PA2G4: variants seen among roughly 807,000 people sequenced by gnomAD.
PA2G4 encodes proliferation-associated 2G4, also known as proliferation-associated protein 2G4.
PA2G4 carries 8 observed loss-of-function variants against 53.3 expected under a neutral mutation model. The observed-to-expected ratio is 0.15, with a 90% CI of 0.09 to 0.27. The LOEUF (loss-of-function observed/expected upper bound fraction) is 0.27, where lower values mean the gene tolerates loss of function less well. PA2G4 is among the 10% of genes least tolerant of loss of function. The pLI, the probability that PA2G4 is intolerant of heterozygous loss-of-function variation, is 1.00. For synonymous variants in PA2G4, 143 were observed against 169.8 expected, an observed-to-expected ratio of 0.84 and a Z score of 1.23; for missense variants, 208 against 486.8, an observed-to-expected ratio of 0.43 and a Z score of 5.39.
At chr12:56,106,953 A>T in intron 2 of PA2G4, 37 bp from the exon 3 acceptor site, 1 of 1,528,654 alleles carries the variant, frequency 6.5e-7, no homozygotes, top group East Asian at 2.3e-5. Flanking sequence ...CTCCCGGGAG[A>T]CAGCAAGGCA....
chr12:56,106,822 T>C (rs1484220393), intron 2 of PA2G4, 106 bp downstream of exon 2: 1 of 1,440,882 alleles, frequency 6.9e-7, no homozygotes, highest in African/African-American at 1.4e-5. Flanking sequence ...CAGCTCTGGC[T>C]GAGGTATTTG....
intron 10 of PA2G4, 47 bp from the exon 11 acceptor site, chr12:56,111,135 A>G: frequency 6.2e-7 from 1 of 1,614,012 alleles, no homozygotes; most frequent in Non-Finnish European, 8.5e-7. Flanking sequence ...AGAGCTAAGT[A>G]TGACAAAGGA....
At chr12:56,105,115 C>A in intron 1 of PA2G4, 1 of 661,370 alleles carries the variant, frequency 1.5e-6, no homozygotes, top group Non-Finnish European at 2.8e-6. Flanking sequence ...CGTGTTTTCT[C>A]TTGTTCCTAT....
Position 56,112,994 on chromosome 12 carries a change from C to G in PA2G4, c.*106C>G. The G allele has an allele frequency of 1.4e-6, 1 of 696,718 alleles. No individual in the cohort carries two copies. Among genetic ancestry groups the G allele is most frequent in the Non-Finnish European group, 2.3e-6 (1 of 435,464 alleles). 43.2% of individuals were successfully genotyped at this position (696,718 alleles called of 1,614,324 possible). The stretch of plus-strand genomic sequence containing the variant: ...TCTCCACCTAGGACCGCCAGCAGAG[C>G]GGGGGGATCTCCCTGCCCCCACCCC... On this transcript the variant is annotated 3_prime_UTR_variant, in exon 13 of 13. Transcript: ENST00000303305.
Position 56,110,180 on chromosome 12 carries a change from G to A in PA2G4, c.630-219G>A, listed in dbSNP as rs1032836806. 4.6e-5 allele frequency among the ~76,000 whole-genome samples: 7 copies of A among 152,046 alleles called. No individual in the cohort carries two copies. In the South Asian group the frequency reaches 8.3e-4, roughly 18 times the overall value. On this transcript the variant is annotated intron_variant, in intron 7 of 12. Coordinates refer to ENST00000303305, the MANE Select transcript of PA2G4 (RefSeq NM_006191.3). Reference sequence around the variant, plus strand: ...TCAGAACCAGCCTAACCAACATGGCGAAACCCTGTCTCTACTAAAAACTAC... The same window carrying A: ...TCAGAACCAGCCTAACCAACATGGCAAAACCCTGTCTCTACTAAAAACTAC...
intron 5 of PA2G4, among the ~76,000 whole-genome samples, chr12:56,108,262 A>T (rs1425570096): frequency 6.6e-6 from 1 of 152,188 alleles, no homozygotes; most frequent in Non-Finnish European, 1.5e-5. Context: ...CAGGTTTATG[A>T]CCAAGTTCTT....
intron 5 of PA2G4, among the ~76,000 whole-genome samples, chr12:56,108,415 T>C (rs1869344706): frequency 6.6e-6 from 1 of 152,216 alleles, no homozygotes; most frequent in African/African-American, 2.4e-5. Context: ...CTGGGTAAAA[T>C]GATATGCAGT....
chr12:56,110,720 C>T, intron 9 of PA2G4, 28 bp downstream of exon 9: 7 of 1,613,232 alleles, frequency 4.3e-6, no homozygotes, highest in Non-Finnish European at 5.9e-6. Context: ...TACTTGGAAC[C>T]AGTCTGACTC....
chr12:56,106,965 T>C (rs764650191), intron 2 of PA2G4, 25 bp from the exon 3 acceptor site: 2 of 1,565,676 alleles, frequency 1.3e-6, no homozygotes, highest in South Asian at 1.1e-5. Context: ...AGCAAGGCAG[T>C]AGGCTGATGA....
chr12:56,111,835 G>A (rs903918656), intron 12 of PA2G4, among the ~76,000 whole-genome samples: 4 of 150,874 alleles, frequency 2.7e-5, no homozygotes, highest in Non-Finnish European at 4.4e-5. Flanking sequence ...TGCTTTGGCC[G>A]GGCACAGTGG....
intron 5 of PA2G4, among the ~76,000 whole-genome samples, 184 bp downstream of exon 5, chr12:56,107,797 G>A (rs1869332412): frequency 6.6e-6 from 1 of 152,244 alleles, no homozygotes. Flanking sequence ...GGGGGGCCAA[G>A]GTAGGAGGAT....
At chr12:56,108,907 C>G (rs1406313644) in intron 5 of PA2G4, among the ~76,000 whole-genome samples, 1 of 151,908 alleles carries the variant, frequency 6.6e-6, no homozygotes, top group Non-Finnish European at 1.5e-5. Context: ...GTGGGCAGAT[C>G]ACGAGGTCAG....
chr12:56,107,354 G>C (rs557050944), intron 4 of PA2G4, 98 bp downstream of exon 4: 1 of 1,114,378 alleles, frequency 9.0e-7, no homozygotes, highest in East Asian at 2.3e-5. Context: ...CGTAAGTTGA[G>C]AGAGTCTCTA....
intron 5 of PA2G4, among the ~76,000 whole-genome samples, chr12:56,108,424 G>A (rs1312542612): frequency 1.3e-5 from 2 of 152,230 alleles, no homozygotes; most frequent in Non-Finnish European, 2.9e-5. Flanking sequence ...ATGATATGCA[G>A]TTACAGCTGG....
At chr12:56,109,535 G>A (rs1869373837) in intron 6 of PA2G4, among the ~76,000 whole-genome samples, 1 of 150,590 alleles carries the variant, frequency 6.6e-6, no homozygotes, top group African/African-American at 2.5e-5. Context: ...CGAGATAATC[G>A]CTTGAACCCG....
intron 12 of PA2G4, 48 bp from the exon 13 acceptor site, chr12:56,112,775 G>A (rs747227137): frequency 1.6e-6 from 2 of 1,250,236 alleles, no homozygotes; most frequent in Non-Finnish European, 2.3e-6. Context: ...ACATCCCCAA[G>A]TAGTTAGAAA....
intron 6 of PA2G4, 105 bp downstream of exon 6, chr12:56,109,398 T>G: frequency 1.4e-6 from 1 of 733,506 alleles, no homozygotes; most frequent in Non-Finnish European, 2.4e-6. Flanking sequence ...GGTGGGCGGA[T>G]CACCTGAGGT....
rs901753466 is a variant in PA2G4, at chr12:56,107,372, A to G, written c.393+116A>G. ...AAGTTGAGAGAGTCTCTAGAGAAGC[A>G]AAAGGAGAAAGGTTTTTGTTGTTGT... On this transcript the variant is annotated intron_variant, in intron 4 of 12. Transcript: ENST00000303305. 4.7e-6 allele frequency: 5 copies of G among 1,069,894 alleles called. No homozygotes were observed. In the Admixed American group the frequency reaches 8.8e-5, roughly 19 times the overall value. 66.3% of individuals were successfully genotyped at this position (1,069,894 alleles called of 1,614,324 possible). A position where few individuals can be genotyped will look rare whatever the true frequency, so the allele number is the denominator to read the frequency against.
chr12:56,110,130 G>C (rs548358779), intron 7 of PA2G4, among the ~76,000 whole-genome samples, 195 bp downstream of exon 7: 1 of 152,080 alleles, frequency 6.6e-6, no homozygotes. Flanking sequence ...AGGCTGAGGC[G>C]GGTGGATCAC....
Sources: gnomAD v4.1 joint callset for allele counts (sites outside exome capture counted in the v4.1 genomes callset) on GRCh38, gnomAD v4.1.1 for gene constraint, MANE v1.5 for transcripts, NCBI Gene and HGNC (gene_info 2026-07-23, HGNC 2026-07-21) for gene names.